The following SLC16A11 variants were observed in gnomAD, a reference collection of about 807,000 sequenced individuals.
The protein encoded by SLC16A11 is solute carrier family 16 member 11.
A neutral mutation model predicts 26.0 loss-of-function variants in SLC16A11; 24 were observed. The observed-to-expected ratio is 0.92, with a 90% CI of 0.67 to 1.30. SLC16A11 has a LOEUF of 1.30. Among genes scored for constraint, SLC16A11 ranks in the 50% most tolerant of loss-of-function variants. The pLI is 0.00. For synonymous variants in SLC16A11, 332 were observed against 296.0 expected, an observed-to-expected ratio of 1.12 and a Z score of -1.25; for missense variants, 638 against 597.7, an observed-to-expected ratio of 1.07 and a Z score of -0.70.
chr17:7,042,405 G>C lies in SLC16A11; in HGVS notation c.705C>G (p.Phe235Leu). 7.0e-6 allele frequency: 11 copies of C among 1,561,852 alleles called. No individual in the cohort carries two copies. The highest frequency in any genetic ancestry group is 9.5e-6 in the Non-Finnish European group (11 of 1,152,244). The change falls in exon 4 of 5, where the codon TTC becomes TTG. Residue 235 changes from phenylalanine (F) to leucine (L), a missense_variant. By Grantham distance (22) the Phe-to-Leu change is conservative. Coordinates refer to ENST00000574600, the MANE Select transcript of SLC16A11 (RefSeq NM_001370549.1). The surrounding 1 kb of genome is among the most constrained non-coding windows in gnomAD (Gnocchi z 5.9). Reference protein sequence around the residue: ...LGTALVGGGYFVPYVHLAPHA... With the variant: ...LGTALVGGGYLVPYVHLAPHA... ...GGGGAGCCAAGTGCACGTAAGGAAC[G>C]AAGTACCCGCCCCCAACCAGGGCTG... is the stretch of plus-strand genomic sequence containing the variant.
In SLC16A11 at chr17:7,043,438, C is replaced by T. The variant is rs1460903613; in HGVS notation, c.76G>A (p.Gly26Arg). 13 of 1,599,768 alleles carry T rather than the reference C, an allele frequency of 8.1e-6. No individual in the cohort carries two copies. The East Asian group carries it at 2.9e-4, about 36-fold the overall frequency. ...GAGCGCAGCAGCCCGTAGGACAGCC[C>T]GTTTATCGCGAAGGCTGCGGCCGCC... ...VVAAAAFAIN[G>R]LSYGLLRSLG... Residue 26 changes from glycine to arginine, a missense_variant, in exon 2 of 5, where the codon GGG becomes AGG. By Grantham distance (125) the Gly-to-Arg change is moderately radical. Coordinates refer to ENST00000574600, the MANE Select transcript of SLC16A11 (RefSeq NM_001370549.1).
rs935600804 is a variant in SLC16A11, at chr17:7,042,618, G to A, written c.492C>T (p.Leu164=). 3.2e-6 allele frequency: 5 copies of A among 1,583,560 alleles called. No individual in the cohort carries two copies. The highest frequency in any genetic ancestry group is 4.3e-6 in the Non-Finnish European group (5 of 1,168,132). Reference sequence around the variant, plus strand: ...GAGCGCCCCGCCAGCCGAAAGTATCGAGAAGAAGCTGCAAGGCGGGCGCCA... The same window carrying A: ...GAGCGCCCCGCCAGCCGAAAGTATCAAGAAGAAGCTGCAAGGCGGGCGCCA... The part of the protein sequence containing the change: ...LLLAPALQLL[L]DTFGWRGALL... Residue 164 remains leucine, a synonymous_variant, in exon 4 of 5, where the codon CTC becomes CTT. Transcript: ENST00000574600. The surrounding 1 kb of genome is among the most constrained non-coding windows in gnomAD (Gnocchi z 5.9).
Position 7,041,872 on chromosome 17 carries a change from G to A in SLC16A11, c.1151C>T (p.Ser384Phe), listed in dbSNP as rs372509336. Residue 384 changes from serine (S) to phenylalanine (F), a missense_variant, in exon 5 of 5, where the codon TCT becomes TTT. Coordinates refer to ENST00000574600, the MANE Select transcript of SLC16A11 (RefSeq NM_001370549.1). ...LRDETGDFTA[S>F]FLLSGSLILS... ...GATCAAAGAACCAGACAGGAGGAAA[G>A]AGGCGGTGAAGTCTCCTGTCTCATC... is the stretch of plus-strand genomic sequence containing the variant. The A allele has an allele frequency of 4.3e-6, 7 of 1,613,956 alleles. No homozygotes were observed. The highest frequency in any genetic ancestry group is 5.9e-6 in the Non-Finnish European group (7 of 1,179,974).
Position 7,042,673 on chromosome 17 carries a change from A to G in SLC16A11, c.437T>C (p.Leu146Pro), listed in dbSNP as rs1277111961. ...RRRVLAVGLA[L>P]TGNGASSLLL... ...CAGCGAGGAGGCCCCGTTGCCGGTGAGCGCCAGCCCCACCGCCAAGACTCG... is the reference window on the plus strand; with the variant it reads ...CAGCGAGGAGGCCCCGTTGCCGGTGGGCGCCAGCCCCACCGCCAAGACTCG... Residue 146 changes from leucine (L) to proline (P), a missense_variant, in exon 4 of 5, where the codon CTC (leucine) becomes CCC (proline). By Grantham distance (98) the Leu-to-Pro change is moderately conservative. Transcript: ENST00000574600. The surrounding 1 kb of genome is among the most constrained non-coding windows in gnomAD (Gnocchi z 5.9). 6.4e-7 allele frequency: 1 copy of G among 1,555,930 alleles called. No individual in the cohort carries two copies. The highest frequency in any genetic ancestry group is 2.3e-5 in the East Asian group (1 of 42,988).
In SLC16A11 at chr17:7,043,501, G is replaced by C. The variant is rs1369155063; in HGVS notation, c.13C>G (p.Pro5Ala). The C allele has an allele frequency of 1.9e-6, 3 of 1,598,674 alleles. No homozygotes were observed. The highest frequency in any genetic ancestry group is 2.7e-5 in the African/African-American group (2 of 74,868). The stretch of plus-strand genomic sequence containing the variant: ...CAGCCCCCATCCGGGGGTCCGGCGG[G>C]CTGGGGGGTCATCGCCGTCTGCGGG... MTPQ[P>A]AGPPDGGWGW... Residue 5 changes from proline (P) to alanine (A), a missense_variant, in exon 2 of 5, where the codon CCC becomes GCC. By Grantham distance (27) the Pro-to-Ala change is conservative (BLOSUM62 -1). Coordinates refer to ENST00000574600, the MANE Select transcript of SLC16A11 (RefSeq NM_001370549.1).
chr17:7,041,961 T>C (rs750479236), intron 4 of SLC16A11, 35 bp downstream of exon 4: 1 of 1,604,326 alleles, frequency 6.2e-7, no homozygotes, highest in Non-Finnish European at 8.5e-7. Context: ...GGGCAGAGGA[T>C]AGTTGTAGGC....
chr17:7,042,666 G>A lies in SLC16A11; in HGVS notation c.444C>T (p.Gly148=), dbSNP rs375975839. Reference sequence around the variant, plus strand: ...CCAGGAGCAGCGAGGAGGCCCCGTTGCCGGTGAGCGCCAGCCCCACCGCCA... The same window carrying A: ...CCAGGAGCAGCGAGGAGGCCCCGTTACCGGTGAGCGCCAGCCCCACCGCCA... ...RVLAVGLALT[G]NGASSLLLAP... is the part of the protein sequence containing the mutation. Residue 148 remains glycine, a synonymous_variant, in exon 4 of 5, where the codon GGC becomes GGT. Transcript: ENST00000574600. This position sits in a 1 kb window ranked among gnomAD's most constrained non-coding sequence, Gnocchi z 5.9. The A allele has an allele frequency of 5.1e-6, 8 of 1,558,070 alleles. No homozygotes were observed. In the African/African-American group the frequency reaches 1.1e-4, roughly 21 times the overall value.
At position 7,043,446 on chromosome 17, in the gene SLC16A11, G is replaced by T. The variant is rs1910861707; in HGVS notation, c.68C>A (p.Ala23Glu). ...WGWVVAAAAF[A>E]INGLSYGLLR... ...CAGCCCGTAGGACAGCCCGTTTATC[G>T]CGAAGGCTGCGGCCGCCACCACCCA... The change falls in exon 2 of 5, where the codon GCG becomes GAG. Residue 23 changes from alanine to glutamate, a missense_variant. Ala to Glu is a moderately radical substitution (Grantham distance 107, BLOSUM62 -1). Transcript: ENST00000574600. The T allele has an allele frequency of 1.3e-6, 2 of 1,597,568 alleles. No homozygotes were observed.
chr17:7,042,947 C>T lies in SLC16A11; in HGVS notation c.329G>A (p.Gly110Asp), dbSNP rs761467841. 1.2e-6 allele frequency: 2 copies of T among 1,613,046 alleles called. No homozygotes were observed. Among genetic ancestry groups the T allele is most frequent in the Non-Finnish European group, 1.7e-6 (2 of 1,179,854 alleles). The stretch of plus-strand genomic sequence containing the variant: ...TCCCTCACCAGCGAGGAGGCCCAGG[C>T]CGAGGTAGAGATGCAGCAGATCGCT... ...FASDLLHLYL[G>D]LGLLAGFGWA... Residue 110 changes from glycine to aspartate, a missense_variant, in exon 3 of 5, where the codon GGC (glycine) becomes GAC (aspartate). Gly to Asp is a moderately conservative substitution (Grantham distance 94). Transcript: ENST00000574600. The surrounding 1 kb of genome is among the most constrained non-coding windows in gnomAD (Gnocchi z 5.9).
At position 7,042,155 on chromosome 17, in the gene SLC16A11, G is replaced by A; in HGVS notation, c.955C>T (p.Leu319=). 2 of 1,579,688 alleles carry A rather than the reference G, an allele frequency of 1.3e-6. No homozygotes were observed. Among genetic ancestry groups the A allele is most frequent in the Non-Finnish European group, 1.7e-6 (2 of 1,163,782 alleles). Residue 319 remains leucine (L), a synonymous_variant, in exon 4 of 5, where the codon CTG becomes TTG. Transcript: ENST00000574600. This position sits in a 1 kb window ranked among gnomAD's most constrained non-coding sequence, Gnocchi z 5.9. ...GGEESWGGPL[L]AAAVAYGLSA... is the part of the protein sequence containing the mutation. ...AGCCCATAGGCCACAGCCGCGGCCAGCAGGGGACCCCCCCAGCTCTCTTCG... is the reference window on the plus strand; with the variant it reads ...AGCCCATAGGCCACAGCCGCGGCCAACAGGGGACCCCCCCAGCTCTCTTCG...
At position 7,041,624 on chromosome 17, in the gene SLC16A11, C is replaced by T; in HGVS notation, c.*55G>A. 6.7e-7 allele frequency: 1 copy of T among 1,482,334 alleles called. No homozygotes were observed. Among genetic ancestry groups the T allele is most frequent in the Admixed American group, 2.2e-5 (1 of 45,558 alleles). 91.8% of individuals were successfully genotyped at this position (1,482,334 alleles called of 1,614,324 possible). ...TAGATTGGTGAACAGTTGGAGGTTTCAGGAAAACCCGATAAAAATTCTTTA... is the reference window on the plus strand; with the variant it reads ...TAGATTGGTGAACAGTTGGAGGTTTTAGGAAAACCCGATAAAAATTCTTTA... On this transcript the variant is annotated 3_prime_UTR_variant, in exon 5 of 5. Transcript: ENST00000574600.
At position 7,043,903 on chromosome 17, in the gene SLC16A11, G is replaced by T; in HGVS notation, c.-135C>A. On this transcript the variant is annotated 5_prime_UTR_variant, in exon 1 of 5. Coordinates refer to ENST00000574600, the MANE Select transcript of SLC16A11 (RefSeq NM_001370549.1). The stretch of plus-strand genomic sequence containing the variant: ...CAGCGATGGAGCCCAACTTGGACGG[G>T]CTCTCTCGGTAAACAGAGATCACCA... The T allele has an allele frequency of 3.0e-6, 1 of 332,810 alleles. No homozygotes were observed. Among genetic ancestry groups the T allele is most frequent in the South Asian group, 7.0e-5 (1 of 14,350 alleles). 20.6% of individuals were successfully genotyped at this position (332,810 alleles called of 1,614,324 possible). A position where few individuals can be genotyped will look rare whatever the true frequency, so the allele number is the denominator to read the frequency against.
Position 7,041,859 on chromosome 17 carries a change from A to G in SLC16A11, c.1164T>C (p.Ser388=), listed in dbSNP as rs368552681. The G allele has an allele frequency of 3.1e-6, 5 of 1,614,072 alleles. No individual in the cohort carries two copies. Among genetic ancestry groups the G allele is most frequent in the African/African-American group, 1.3e-5 (1 of 75,036 alleles). The change falls in exon 5 of 5, where the codon TCT becomes TCC. Residue 388 remains serine (S), a synonymous_variant. Transcript: ENST00000574600. ...AGCTGCCGGAGAGGATCAAAGAACCAGACAGGAGGAAAGAGGCGGTGAAGT... is the reference window on the plus strand; with the variant it reads ...AGCTGCCGGAGAGGATCAAAGAACCGGACAGGAGGAAAGAGGCGGTGAAGT... ...TGDFTASFLL[S]GSLILSGSFI...
rs755242035 is a variant in SLC16A11 at position 7,042,896 on chromosome 17, A to G, written c.346+34T>C. ...CCAACAAGCTCCTGTCACCTCCTTCACCCTGAATGACCCGGGCATCCCACT... is the reference window on the plus strand; with the variant it reads ...CCAACAAGCTCCTGTCACCTCCTTCGCCCTGAATGACCCGGGCATCCCACT... On this transcript the variant is annotated intron_variant, in intron 3 of 4. Transcript: ENST00000574600. This position sits in a 1 kb window ranked among gnomAD's most constrained non-coding sequence, Gnocchi z 5.9. 48 of 1,611,566 alleles carry G rather than the reference A, an allele frequency of 3.0e-5. No individual in the cohort carries two copies. The highest frequency in any genetic ancestry group is 3.9e-5 in the Non-Finnish European group (46 of 1,179,518).
chr17:7,043,049 G>C lies in SLC16A11; in HGVS notation c.227C>G (p.Thr76Arg). The C allele has an allele frequency of 6.4e-7, 1 of 1,565,700 alleles. No homozygotes were observed. The highest frequency in any genetic ancestry group is 8.7e-7 in the Non-Finnish European group (1 of 1,155,236). ...CACCACGGGGCGGGCCCCCCAGCGCGTGCTCAGGGCGCTGCCCACGGGGCC... is the reference window on the plus strand; with the variant it reads ...CACCACGGGGCGGGCCCCCCAGCGCCTGCTCAGGGCGCTGCCCACGGGGCC... ...AASPVGSALS[T>R]RWGARPVVMV... The change falls in exon 3 of 5, where the codon ACG (threonine) becomes AGG (arginine). Residue 76 changes from threonine to arginine, a missense_variant. Coordinates refer to ENST00000574600, the MANE Select transcript of SLC16A11 (RefSeq NM_001370549.1).
At position 7,043,084 on chromosome 17, in the gene SLC16A11, G is replaced by A. The variant is rs1225120738; in HGVS notation, c.203-11C>T. 6.6e-7 allele frequency: 1 copy of A among 1,524,610 alleles called. No individual in the cohort carries two copies. The highest frequency in any genetic ancestry group is 1.2e-5 in the South Asian group (1 of 80,892). 94.4% of individuals were successfully genotyped at this position (1,524,610 alleles called of 1,614,324 possible). A position where few individuals can be genotyped will look rare whatever the true frequency, so the allele number is the denominator to read the frequency against. ...CGCTGCCCACGGGGCCTGAAAGGGG[G>A]CGGAGTCAACGGAAGACACGCCCCC... On this transcript the variant is annotated splice_polypyrimidine_tract_variant and intron_variant, in intron 2 of 4. Coordinates refer to ENST00000574600, the MANE Select transcript of SLC16A11 (RefSeq NM_001370549.1).
chr17:7,043,177 C>T, intron 2 of SLC16A11, 104 bp from the exon 3 acceptor site: 3 of 1,461,040 alleles, frequency 2.1e-6, no homozygotes, highest in Non-Finnish European at 2.7e-6. Context: ...GGTTCTTCTC[C>T]TTGACCTCAA....
chr17:7,042,717 C>G lies in SLC16A11; in HGVS notation c.393G>C (p.Ser131=). Residue 131 remains serine, a synonymous_variant, in exon 4 of 5, where the codon TCG becomes TCC. Transcript: ENST00000574600. The surrounding 1 kb of genome is among the most constrained non-coding windows in gnomAD (Gnocchi z 5.9). ...AGACTCGACGGCGGGAGAAGTAACG[C>G]GAGAGGGTGCCTAGGGCGGGGGCGA... ...LVFAPALGTL[S]RYFSRRRVLA... The G allele has an allele frequency of 3.2e-6, 5 of 1,545,412 alleles. No individual in the cohort carries two copies. Among genetic ancestry groups the G allele is most frequent in the Non-Finnish European group, 3.5e-6 (4 of 1,149,510 alleles).
chr17:7,043,035 G>C lies in SLC16A11; in HGVS notation c.241C>G (p.Arg81Gly). The change falls in exon 3 of 5, where the codon CGC (arginine) becomes GGC (glycine). Residue 81 changes from arginine to glycine, a missense_variant. Coordinates refer to ENST00000574600, the MANE Select transcript of SLC16A11 (RefSeq NM_001370549.1). ...GSALSTRWGA[R>G]PVVMVGGVLA... ...ACGCCCCCAACCATCACCACGGGGC[G>C]GGCCCCCCAGCGCGTGCTCAGGGCG... The C allele has an allele frequency of 3.8e-6, 6 of 1,576,344 alleles. No homozygotes were observed. The highest frequency in any genetic ancestry group is 4.3e-6 in the Non-Finnish European group (5 of 1,160,968).
Sources: gnomAD v4.1 joint callset for allele counts on GRCh38, gnomAD v4.1.1 for gene constraint, Gnocchi (gnomAD v3.1) non-coding constraint, MANE v1.5 for transcripts, NCBI Gene and HGNC (gene_info 2026-07-23, HGNC 2026-07-21) for gene names.